The following NIPSNAP1 variants were observed in gnomAD, a reference collection of about 807,000 sequenced individuals.
The protein encoded by NIPSNAP1 is nipsnap homolog 1, also known as protein NipSnap homolog 1.
A neutral mutation model predicts 49.2 loss-of-function variants in NIPSNAP1; 25 were observed. The observed-to-expected ratio is 0.51, with a 90% CI of 0.37 to 0.71. The LOEUF is 0.71. Ranked by LOEUF, NIPSNAP1 falls within the 30% of genes least tolerant of loss-of-function variation. The pLI is 0.00. For missense variants in NIPSNAP1, 294 were observed against 361.0 expected (o/e 0.81, Z 1.50); for synonymous variants, 143 against 140.7 (o/e 1.02, Z -0.12).
At chr22:29,566,549 G>A (rs1460728923) in intron 4 of NIPSNAP1, among the ~76,000 whole-genome samples, 6 of 152,120 alleles carry the variant, frequency 3.9e-5, no homozygotes, top group South Asian at 4.1e-4. Flanking sequence ...AGGCCAGGGC[G>A]CAGTGGCTCA....
At chr22:29,560,623 C>A in intron 8 of NIPSNAP1, 111 bp downstream of exon 8, 1 of 845,940 alleles carries the variant, frequency 1.2e-6, no homozygotes. Context: ...GATAGTGTCT[C>A]CTGCTAGAAC....
chr22:29,567,771 G>A (rs1363889953), intron 4 of NIPSNAP1, among the ~76,000 whole-genome samples: 1 of 152,052 alleles, frequency 6.6e-6, no homozygotes, highest in Non-Finnish European at 1.5e-5. Context: ...TAGGAGGATT[G>A]CTTAAGCTCA....
intron 4 of NIPSNAP1, among the ~76,000 whole-genome samples, chr22:29,562,585 G>A (rs1218590974): frequency 6.6e-6 from 1 of 152,110 alleles, no homozygotes; most frequent in Non-Finnish European, 1.5e-5. Context: ...CAGCTACTTG[G>A]GAGGCTGAGG....
Position 29,555,041 on chromosome 22 carries a change from T to C in NIPSNAP1, c.*894A>G, listed in dbSNP as rs1196865705. The C allele has an allele frequency of 6.6e-6, 1 of 152,322 alleles. No homozygotes were observed. 9.4% of individuals were successfully genotyped at this position (152,322 alleles called of 1,614,324 possible). ...CAGGATACAGGGTGAGGGAACAGGG[T>C]CTAGCTTGTATATTTGCCTGCAGGA... On this transcript the variant is annotated 3_prime_UTR_variant, in exon 10 of 10. Coordinates refer to ENST00000216121, the MANE Select transcript of NIPSNAP1 (RefSeq NM_003634.4).
intron 8 of NIPSNAP1, among the ~76,000 whole-genome samples, chr22:29,559,798 G>A (rs1457891374): frequency 6.6e-6 from 1 of 152,112 alleles, no homozygotes; most frequent in Non-Finnish European, 1.5e-5. Context: ...CCTCCTGCCT[G>A]AACTAGAGTA....
chr22:29,581,088 A>T lies in NIPSNAP1; in HGVS notation c.-6T>A. On this transcript the variant is annotated 5_prime_UTR_variant, in exon 1 of 10. Transcript: ENST00000216121. ...CTGCACAGCCGCGGAGCCATGTTGG[A>T]GCCGCAAAGGTTGCAGGAAGGCCCC... The T allele has an allele frequency of 6.5e-7, 1 of 1,541,276 alleles. No homozygotes were observed. The highest frequency in any genetic ancestry group is 8.7e-7 in the Non-Finnish European group (1 of 1,145,990).
At position 29,581,030 on chromosome 22, in the gene NIPSNAP1, C is replaced by T. The variant is rs1020853380; in HGVS notation, c.53G>A (p.Gly18Asp). The stretch of plus-strand genomic sequence containing the variant: ...AACGTCCCCAGCGCGAGGCCCCGGG[C>T]CCCCCAGCAGCCGCCGCGCCGTCAC... ...ISVTARRLLG[G>D]PGPRAGDVAS... Residue 18 changes from glycine (G) to aspartate (D), a missense_variant, in exon 1 of 10, where the codon GGC (glycine) becomes GAC (aspartate). This residue lies in a region of NIPSNAP1 where 88 missense variants were observed against 76.1 expected (regional missense o/e 1.16). Coordinates refer to ENST00000216121, the MANE Select transcript of NIPSNAP1 (RefSeq NM_003634.4). 1.4e-5 allele frequency: 22 copies of T among 1,536,996 alleles called. No homozygotes were observed. Among genetic ancestry groups the T allele is most frequent in the Admixed American group, 3.9e-5 (2 of 50,788 alleles).
rs540987818 is a variant in NIPSNAP1 at position 29,577,475 on chromosome 22, A to G, written c.98+3510T>C. Among the ~76,000 whole-genome samples, 88 of 150,732 alleles carry G rather than the reference A, an allele frequency of 5.8e-4. 2 individuals are homozygous for G. In the South Asian group the frequency reaches 0.018, roughly 31 times the overall value. On this transcript the variant is annotated intron_variant, in intron 1 of 9. Transcript: ENST00000216121. ...GCTCTTGTTCCCCAGGCTGGAGTGCAATGGTACGATCTCAGCTCACTGCAA... is the reference window on the plus strand; with the variant it reads ...GCTCTTGTTCCCCAGGCTGGAGTGCGATGGTACGATCTCAGCTCACTGCAA...
chr22:29,561,142 C>A, intron 7 of NIPSNAP1, 29 bp downstream of exon 7: 1 of 1,607,168 alleles, frequency 6.2e-7, no homozygotes, highest in Non-Finnish European at 8.5e-7. Context: ...TACGCCTCCC[C>A]CAACCCCAGT....
rs2064287187 is a variant in NIPSNAP1, at chr22:29,555,575, C to T, written c.*360G>A. ...CCACCTCTAGCCACTGGACATACTACCTTTTGTGCAACTAAGCTAAACAGA... is the reference window on the plus strand; with the variant it reads ...CCACCTCTAGCCACTGGACATACTATCTTTTGTGCAACTAAGCTAAACAGA... On this transcript the variant is annotated 3_prime_UTR_variant, in exon 10 of 10. Coordinates refer to ENST00000216121, the MANE Select transcript of NIPSNAP1 (RefSeq NM_003634.4). The T allele has an allele frequency of 3.2e-6, 1 of 308,658 alleles. No homozygotes were observed. Among genetic ancestry groups the T allele is most frequent in the Admixed American group, 3.8e-5 (1 of 26,006 alleles). 19.1% of individuals were successfully genotyped at this position (308,658 alleles called of 1,614,324 possible).
At chr22:29,561,983 A>G in intron 4 of NIPSNAP1, 121 bp from the exon 5 acceptor site, 1 of 775,936 alleles carries the variant, frequency 1.3e-6, no homozygotes. Context: ...TGTAGCAGCA[A>G]GACTCCCTGA....
At position 29,558,899 on chromosome 22, in the gene NIPSNAP1, C is replaced by G. The variant is rs759029569; in HGVS notation, c.761G>C (p.Arg254Thr). ...ATAGTAGACATTTTCATCCCAGCCT[C>G]TCTTCCTCCAGGCAGCGTTTCGAGT... The part of the protein sequence containing the change: ...EETRNAAWRK[R>T]GWDENVYYTV... The change falls in exon 9 of 10, where the codon AGA becomes ACA. Residue 254 changes from arginine to threonine, a missense_variant. Arg to Thr is a moderately conservative substitution (Grantham distance 71). Transcript: ENST00000216121. 36 of 1,614,072 alleles carry G rather than the reference C, an allele frequency of 2.2e-5. No individual in the cohort carries two copies. The highest frequency in any genetic ancestry group is 2.1e-5 in the Non-Finnish European group (25 of 1,179,938).
chr22:29,563,775 CAGAG>C (rs1404291924), intron 4 of NIPSNAP1, among the ~76,000 whole-genome samples: 2 of 151,962 alleles, frequency 1.3e-5, no homozygotes, highest in African/African-American at 4.8e-5. Flanking sequence ...CAGAGACACA[CAGAG>C]AGAACAGCAT....
intron 9 of NIPSNAP1, among the ~76,000 whole-genome samples, chr22:29,557,327 C>T (rs570020686): frequency 8.5e-5 from 13 of 152,158 alleles, no homozygotes; most frequent in East Asian, 3.9e-4. Context: ...ACCATGTTGC[C>T]GAGACTGGTC....
chr22:29,575,775 C>T (rs1342655153), intron 1 of NIPSNAP1, among the ~76,000 whole-genome samples: 2 of 150,482 alleles, frequency 1.3e-5, no homozygotes, highest in Admixed American at 6.7e-5. Context: ...AGTGCAGTGG[C>T]GTGATCTGGG....
chr22:29,570,566 A>G (rs1156743109), intron 1 of NIPSNAP1, 34 bp from the exon 2 acceptor site: 1 of 1,601,100 alleles, frequency 6.2e-7, no homozygotes, highest in African/African-American at 1.3e-5. Context: ...GGACGCGCGG[A>G]GGTTGGGGGA....
intron 1 of NIPSNAP1, among the ~76,000 whole-genome samples, chr22:29,574,283 A>AGAAAGGAAAG (rs368247073): frequency 9.0e-6 from 1 of 111,208 alleles, no homozygotes; most frequent in African/African-American, 4.5e-5. Context: ...AAAAAAAAAA[A>AGAAAGGAAAG]AAAAAAAAAG....
intron 1 of NIPSNAP1, among the ~76,000 whole-genome samples, chr22:29,571,400 A>T (rs993767330): frequency 6.6e-6 from 1 of 152,214 alleles, no homozygotes; most frequent in African/African-American, 2.4e-5. Context: ...TCTCCATAGG[A>T]TACTGAGAAT....
chr22:29,565,569 T>A (rs770317748), intron 4 of NIPSNAP1, among the ~76,000 whole-genome samples: 2 of 152,116 alleles, frequency 1.3e-5, no homozygotes, highest in Non-Finnish European at 2.9e-5. Context: ...ATTTCACAAC[T>A]AGCAAATGCT....
Sources: gnomAD v4.1 joint callset for allele counts (sites outside exome capture counted in the v4.1 genomes callset) on GRCh38, gnomAD v4.1.1 for gene constraint, gnomAD v4.1.1 regional missense constraint, MANE v1.5 for transcripts, NCBI Gene and HGNC (gene_info 2026-07-23, HGNC 2026-07-21) for gene names.